LLGL2: variants seen among roughly 807,000 people sequenced by gnomAD.
LLGL2 encodes the protein LLGL scribble cell polarity complex component 2.
Under a neutral mutation model 123.2 loss-of-function variants are expected in LLGL2, and 81 were observed. The observed-to-expected ratio is 0.66, with a 90% CI of 0.55 to 0.79. The LOEUF (loss-of-function observed/expected upper bound fraction) is 0.79, where lower values mean the gene tolerates loss of function less well. Among genes scored for constraint, LLGL2 ranks in the 30% least tolerant of loss-of-function variants. LLGL2 has a pLI of 0.00. For missense variants in LLGL2, 1,273 were observed against 1,414.6 expected (o/e 0.90, Z 1.61); for synonymous variants, 577 against 594.1 (o/e 0.97, Z 0.42).
chr17:75,532,053 T>TACACACACACACACACACAC (rs750743324), intron 1 of LLGL2, among the ~76,000 whole-genome samples: 45 of 70,330 alleles, frequency 6.4e-4, no homozygotes, highest in South Asian at 1.1e-3. Context: ...TATATGTATA[T>TACACACACACACACACACAC]ATACACACAC....
chr17:75,558,231 G>C lies in LLGL2; in HGVS notation c.250G>C (p.Gly84Arg), dbSNP rs147740967. Residue 84 changes from glycine to arginine, a missense_variant, in exon 4 of 26, where the codon GGC becomes CGC. Coordinates refer to ENST00000392550, the MANE Select transcript of LLGL2 (RefSeq NM_001031803.2). The surrounding 1 kb of genome is among the most constrained non-coding windows in gnomAD (Gnocchi z 4.0). ...TGTGACGCAGATCCACCTCCTGCCC[G>C]GCCAGGTGAGGGACCTGGGGTGGGA... ...NAVTQIHLLP[G>R]QCQLVTLLDD... 11 of 1,611,790 alleles carry C rather than the reference G, an allele frequency of 6.8e-6. No homozygotes were observed. The highest frequency in any genetic ancestry group is 4.0e-5 in the African/African-American group (3 of 74,904).
Position 75,558,537 on chromosome 17 carries a change from AC to A in LLGL2, c.282del (p.Asp94GlufsTer9). 1 of 1,607,376 alleles carries A rather than the reference AC, an allele frequency of 6.2e-7. No individual in the cohort carries two copies. The highest frequency in any genetic ancestry group is 8.5e-7 in the Non-Finnish European group (1 of 1,177,178). ...GQCQLVTLLD[D>X]NSLHLWSLKV... ...TGCCAGCTGGTCACCCTGCTGGATG[AC>A]AACAGCCTGCACCTTTGGAGCCTGA... is the stretch of plus-strand genomic sequence containing the variant. On this transcript the variant is annotated frameshift_variant, in exon 5 of 26. Transcript: ENST00000392550. LOFTEE classifies it high-confidence loss of function. This position sits in a 1 kb window ranked among gnomAD's most constrained non-coding sequence, Gnocchi z 4.0.
chr17:75,538,832 G>A (rs1598522774), intron 1 of LLGL2, among the ~76,000 whole-genome samples: 1 of 152,182 alleles, frequency 6.6e-6, no homozygotes, highest in East Asian at 1.9e-4. Context: ...CAAGGGAATG[G>A]TCACTGAGAC....
chr17:75,560,635 C>T (rs1034513909), intron 6 of LLGL2, among the ~76,000 whole-genome samples: 1 of 149,850 alleles, frequency 6.7e-6, no homozygotes, highest in African/African-American at 2.4e-5. Context: ...TACAGGCATG[C>T]GCTACCACAC....
Position 75,570,149 on chromosome 17 carries a change from G to A in LLGL2, c.1768G>A (p.Val590Met). The change falls in exon 15 of 26, where the codon GTG becomes ATG. Residue 590 changes from valine (V) to methionine (M), a missense_variant. Transcript: ENST00000392550. ...GTTGGTGCAGTGTCAGCCCCCGGCTGTGGTCACCTCCTTGGCCCTGCACTC... is the reference window on the plus strand; with the variant it reads ...GTTGGTGCAGTGTCAGCCCCCGGCTATGGTCACCTCCTTGGCCCTGCACTC... ...FVLVQCQPPA[V>M]VTSLALHSEW... 6.3e-7 allele frequency: 1 copy of A among 1,591,972 alleles called. No homozygotes were observed. Among genetic ancestry groups the A allele is most frequent in the South Asian group, 1.1e-5 (1 of 88,454 alleles).
chr17:75,562,945 G>A (rs1472555162), intron 6 of LLGL2, 71 bp from the exon 7 acceptor site: 2 of 1,575,146 alleles, frequency 1.3e-6, no homozygotes, highest in Middle Eastern at 3.7e-4. Flanking sequence ...GGAGCCCCAT[G>A]GCTGTGCCAT....
chr17:75,527,775 C>CT (rs138872671), intron 1 of LLGL2, among the ~76,000 whole-genome samples: 26 of 147,260 alleles, frequency 1.8e-4, no homozygotes, highest in East Asian at 4.1e-4. Context: ...CTGTTAGTAA[C>CT]TTTTTTTTTT....
chr17:75,562,970 C>G, intron 6 of LLGL2, 46 bp from the exon 7 acceptor site: 1 of 1,601,316 alleles, frequency 6.2e-7, no homozygotes, highest in African/African-American at 1.3e-5. Flanking sequence ...GGGGCCATTC[C>G]CCCTGGTGGA....
Position 75,568,535 on chromosome 17 carries a change from C to G in LLGL2, c.1096C>G (p.Leu366Val), listed in dbSNP as rs1568068479. 6.2e-7 allele frequency: 1 copy of G among 1,613,528 alleles called. No homozygotes were observed. The highest frequency in any genetic ancestry group is 1.1e-5 in the South Asian group (1 of 91,088). Reference protein sequence around the residue: ...LAEEELVVIDLQTAGWPPVQL... With the variant: ...LAEEELVVIDVQTAGWPPVQL... ...TGAGGAGGAGCTGGTGGTGATTGAC[C>G]TGCAGACAGCAGGCTGGCCACCGGT... The change falls in exon 11 of 26, where the codon CTG (leucine) becomes GTG (valine). Residue 366 changes from leucine to valine, a missense_variant. Transcript: ENST00000392550.
Position 75,569,254 on chromosome 17 carries a change from C to T in LLGL2, c.1510C>T (p.Arg504Trp), listed in dbSNP as rs781542922. The part of the protein sequence containing the change: ...GSFDPYSDDP[R>W]LGIQKIFLCK... ...CTTTGACCCCTACAGTGATGACCCC[C>T]GGCTGGGCATCCAGAAGATCTTCCT... The change falls in exon 14 of 26, where the codon CGG (arginine) becomes TGG (tryptophan). Residue 504 changes from arginine (R) to tryptophan (W), a missense_variant. By Grantham distance (101) the Arg-to-Trp change is moderately radical. Coordinates refer to ENST00000392550, the MANE Select transcript of LLGL2 (RefSeq NM_001031803.2). 13 of 1,613,482 alleles carry T rather than the reference C, an allele frequency of 8.1e-6. No individual in the cohort carries two copies. Among genetic ancestry groups the T allele is most frequent in the Middle Eastern group, 1.6e-4 (1 of 6,084 alleles).
Position 75,559,343 on chromosome 17 carries a change from G to A in LLGL2, c.463G>A (p.Val155Met). The change falls in exon 6 of 26, where the codon GTG becomes ATG. Residue 155 changes from valine to methionine, a missense_variant. Physicochemically the swap from Val to Met is conservative, Grantham distance 21. Transcript: ENST00000392550. The surrounding 1 kb of genome is among the most constrained non-coding windows in gnomAD (Gnocchi z 4.6). The stretch of plus-strand genomic sequence containing the variant: ...GGGCACCGAGAGTGGCAACGTGTTT[G>A]TGGTGCAGCTGCCAGCTTTTCGTGC... The part of the protein sequence containing the change: ...YLGTESGNVF[V>M]VQLPAFRALE... 6.2e-7 allele frequency: 1 copy of A among 1,613,602 alleles called. No homozygotes were observed. The highest frequency in any genetic ancestry group is 1.1e-5 in the South Asian group (1 of 91,072).
intron 19 of LLGL2, among the ~76,000 whole-genome samples, chr17:75,572,623 C>G (rs572876452): frequency 6.7e-6 from 1 of 149,754 alleles, no homozygotes. Flanking sequence ...CGAGATTGTG[C>G]CACTGCCCTC....
intron 16 of LLGL2, 125 bp from the exon 17 acceptor site, chr17:75,570,825 C>T: frequency 7.8e-7 from 1 of 1,282,910 alleles, no homozygotes; most frequent in Non-Finnish European, 1.1e-6. Flanking sequence ...CCTCTAGACG[C>T]AGGCCTGGCA....
intron 12 of LLGL2, 26 bp from the exon 13 acceptor site, chr17:75,568,952 G>A (rs759549730): frequency 2.6e-5 from 42 of 1,600,946 alleles, no homozygotes; most frequent in South Asian, 1.7e-4. Context: ...TCCCTCTCAC[G>A]CCTGGCAGGT....
intron 1 of LLGL2, among the ~76,000 whole-genome samples, chr17:75,538,182 A>G (rs963855183): frequency 7.9e-5 from 12 of 152,110 alleles, no homozygotes; most frequent in African/African-American, 2.9e-4. Flanking sequence ...ACCATAGTGA[A>G]TGGGGCCAGG....
rs757776177 is a variant in LLGL2, at chr17:75,559,215, G to A, written c.372-37G>A. 3 of 1,551,080 alleles carry A rather than the reference G, an allele frequency of 1.9e-6. No homozygotes were observed. The highest frequency in any genetic ancestry group is 2.0e-5 in the Admixed American group (1 of 51,056). ...CCGTCCATGGCATCTCCCCTGCTGG[G>A]CAGTGGTCGGCTCACGGGCAGCTGT... is the stretch of plus-strand genomic sequence containing the variant. On this transcript the variant is annotated intron_variant, in intron 5 of 25. Coordinates refer to ENST00000392550, the MANE Select transcript of LLGL2 (RefSeq NM_001031803.2). This position sits in a 1 kb window ranked among gnomAD's most constrained non-coding sequence, Gnocchi z 4.6.
intron 1 of LLGL2, among the ~76,000 whole-genome samples, chr17:75,534,251 G>C (rs1201386233): frequency 6.6e-6 from 1 of 152,270 alleles, no homozygotes; most frequent in Non-Finnish European, 1.5e-5. Context: ...CACAGGCCCA[G>C]GAGGGGCAAC....
chr17:75,574,935 G>C lies in LLGL2; in HGVS notation c.*57G>C. 2 of 1,613,460 alleles carry C rather than the reference G, an allele frequency of 1.2e-6. 1 individual carries two copies. Among genetic ancestry groups the C allele is most frequent in the South Asian group, 2.2e-5 (2 of 91,086 alleles). On this transcript the variant is annotated 3_prime_UTR_variant, in exon 26 of 26. Coordinates refer to ENST00000392550, the MANE Select transcript of LLGL2 (RefSeq NM_001031803.2). ...CACACTACTACTGATGGCCTTTCGGGGGTCCCTGCCCCAACCGGAGAGGCC... is the reference window on the plus strand; with the variant it reads ...CACACTACTACTGATGGCCTTTCGGCGGTCCCTGCCCCAACCGGAGAGGCC...
Position 75,572,191 on chromosome 17 carries a change from T to C in LLGL2, c.2460+127T>C, listed in dbSNP as rs967582352. The C allele has an allele frequency of 6.4e-6, 6 of 937,290 alleles. No individual in the cohort carries two copies. In the Admixed American group the frequency reaches 8.9e-5, roughly 14 times the overall value. The allele number at this position is 937,290 out of a possible 1,614,324, so 58.1% of individuals were successfully genotyped here. A position where few individuals can be genotyped will look rare whatever the true frequency, so the allele number is the denominator to read the frequency against. On this transcript the variant is annotated intron_variant, in intron 19 of 25. Transcript: ENST00000392550. Reference sequence around the variant, plus strand: ...GTTGGTGTCTGAGGGGCTGCAGAAGTACAGGAAATAAGTGAGGGGGGAGTC... The same window carrying C: ...GTTGGTGTCTGAGGGGCTGCAGAAGCACAGGAAATAAGTGAGGGGGGAGTC...
Sources: gnomAD v4.1 joint callset for allele counts (sites outside exome capture counted in the v4.1 genomes callset) on GRCh38, gnomAD v4.1.1 for gene constraint, Gnocchi (gnomAD v3.1) non-coding constraint, MANE v1.5 for transcripts, NCBI Gene and HGNC (gene_info 2026-07-23, HGNC 2026-07-21) for gene names.